Variants in HPSE2 observed in about 807,000 individuals in gnomAD.
HPSE2 encodes inactive heparanase-2.
A neutral mutation model predicts 60.5 loss-of-function variants in HPSE2; 38 were observed. That is an observed-to-expected ratio of 0.63 (90% confidence interval 0.48 to 0.82). The LOEUF is 0.82. HPSE2 is among the 40% of genes least tolerant of loss of function. The pLI is 0.00. For missense variants in HPSE2, 713 were observed against 740.4 expected, an observed-to-expected ratio of 0.96 and a Z score of 0.43; for synonymous variants, 295 against 293.2, an observed-to-expected ratio of 1.01 and a Z score of -0.06.
chr10:98,469,701 C>T (rs928917767), intron 11 of HPSE2, among the ~76,000 whole-genome samples: 2 of 152,156 alleles, frequency 1.3e-5, no homozygotes, highest in African/African-American at 2.4e-5. Context: ...ACAAAGCATC[C>T]TGTATTCCAG....
At chr10:99,079,449 A>G (rs1843058380) in intron 3 of HPSE2, among the ~76,000 whole-genome samples, 1 of 152,020 alleles carries the variant, frequency 6.6e-6, no homozygotes, top group African/African-American at 2.4e-5. Flanking sequence ...GGCAGTCCAC[A>G]AGCAAGTTGG....
intron 3 of HPSE2, among the ~76,000 whole-genome samples, chr10:99,082,127 G>A (rs111316457): frequency 1.4e-4 from 22 of 152,166 alleles, no homozygotes; most frequent in African/African-American, 3.9e-4. Flanking sequence ...TGCTGCACAC[G>A]AATTTATAAA....
intron 6 of HPSE2, among the ~76,000 whole-genome samples, chr10:98,660,722 C>T (rs553689870): frequency 6.6e-6 from 1 of 152,206 alleles, no homozygotes; most frequent in South Asian, 2.1e-4. Context: ...CCTTCTGTTT[C>T]CTTTATGAGG....
intron 3 of HPSE2, among the ~76,000 whole-genome samples, chr10:98,968,094 G>A (rs944535788): frequency 1.3e-5 from 2 of 151,822 alleles, no homozygotes; most frequent in African/African-American, 4.8e-5. Flanking sequence ...TAACCTATAA[G>A]AGAAAAAAAC....
chr10:98,624,119 A>G (rs1010136506), intron 7 of HPSE2, among the ~76,000 whole-genome samples: 2 of 152,212 alleles, frequency 1.3e-5, no homozygotes, highest in African/African-American at 2.4e-5. Context: ...ATGAAGCATA[A>G]CAAGTTTTTG....
At chr10:98,807,391 G>A (rs536723643) in intron 3 of HPSE2, among the ~76,000 whole-genome samples, 13 of 152,174 alleles carry the variant, frequency 8.5e-5, no homozygotes, top group Admixed American at 2.0e-4. Flanking sequence ...CTTTAAATCA[G>A]ACATCTAGCA....
At chr10:98,957,730 G>A (rs1955546488) in intron 3 of HPSE2, among the ~76,000 whole-genome samples, 1 of 152,122 alleles carries the variant, frequency 6.6e-6, no homozygotes, top group Non-Finnish European at 1.5e-5. Flanking sequence ...TGACTTTGGA[G>A]TGCTTGGGCT....
intron 3 of HPSE2, among the ~76,000 whole-genome samples, chr10:98,778,594 T>C (rs1950399105): frequency 6.6e-6 from 1 of 152,128 alleles, no homozygotes; most frequent in Non-Finnish European, 1.5e-5. Context: ...AAATGGAAAC[T>C]GTCAAGGGTG....
At chr10:98,920,654 A>G (rs558650343) in intron 3 of HPSE2, among the ~76,000 whole-genome samples, 6 of 152,292 alleles carry the variant, frequency 3.9e-5, no homozygotes, top group African/African-American at 1.2e-4. Flanking sequence ...CATATGTTCC[A>G]TTCTAACTTC....
chr10:99,195,152 A>C (rs1848350901), intron 2 of HPSE2, among the ~76,000 whole-genome samples: 1 of 152,164 alleles, frequency 6.6e-6, no homozygotes, highest in Non-Finnish European at 1.5e-5. Context: ...ACTGATGCTA[A>C]AAAAGCATTT....
At chr10:98,624,152 T>C (rs1350315068) in intron 7 of HPSE2, among the ~76,000 whole-genome samples, 1 of 151,902 alleles carries the variant, frequency 6.6e-6, no homozygotes, top group East Asian at 1.9e-4. Context: ...TACATTTTAG[T>C]CAAGGGAAGG....
chr10:98,620,570 C>T (rs1380247702), intron 8 of HPSE2, 32 bp downstream of exon 8: 19 of 1,501,850 alleles, frequency 1.3e-5, no homozygotes, highest in Non-Finnish European at 1.8e-5. Context: ...CTCCTGAAAG[C>T]CCCTGGGGGT....
intron 1 of HPSE2, among the ~76,000 whole-genome samples, chr10:99,233,126 T>A (rs1849721030): frequency 6.6e-6 from 1 of 152,218 alleles, no homozygotes; most frequent in African/African-American, 2.4e-5. Context: ...AAAACTGCAT[T>A]GTTTCCCAAA....
chr10:99,046,743 T>G (rs891253370), intron 3 of HPSE2, among the ~76,000 whole-genome samples: 1 of 151,440 alleles, frequency 6.6e-6, no homozygotes, highest in African/African-American at 2.4e-5. Context: ...ACAAAGAAAA[T>G]GAAATACCTA....
chr10:99,001,702 A>G (rs1430885575), intron 3 of HPSE2, among the ~76,000 whole-genome samples: 1 of 152,178 alleles, frequency 6.6e-6, no homozygotes, highest in Non-Finnish European at 1.5e-5. Context: ...ATGTTCAGTA[A>G]AGGCTTGTTG....
chr10:98,638,163 A>AC lies in HPSE2; in HGVS notation c.1098+3683_1098+3684insG, dbSNP rs1554960094. ...AAAAAAAAAAAAAAAAAAAAAAAAA[A>AC]GGCTGGGTGCAGTGGCTCACGCCTG... On this transcript the variant is annotated intron_variant, in intron 7 of 11. Coordinates refer to ENST00000370552, the MANE Select transcript of HPSE2 (RefSeq NM_021828.5). Among the ~76,000 whole-genome samples the AC allele has an allele frequency of 2.1e-4, 29 of 140,710 alleles. 1 individual carries two copies. Among genetic ancestry groups the AC allele is most frequent in the African/African-American group, 6.3e-4 (23 of 36,436 alleles). The allele number at this position is 140,710 out of a possible 152,430, so 92.3% of individuals were successfully genotyped here.
intron 3 of HPSE2, among the ~76,000 whole-genome samples, chr10:98,834,315 T>C (rs915707348): frequency 1.3e-5 from 2 of 152,126 alleles, no homozygotes; most frequent in Non-Finnish European, 2.9e-5. Context: ...AAAAACTAAT[T>C]GGTGACATCT....
At chr10:98,484,262 C>CT (rs1258729702) in intron 10 of HPSE2, among the ~76,000 whole-genome samples, 2 of 149,350 alleles carry the variant, frequency 1.3e-5, no homozygotes, top group African/African-American at 5.0e-5. Flanking sequence ...TCCTTTCTTT[C>CT]TTTTTTTCTC....
At chr10:99,068,020 C>T (rs1429881590) in intron 3 of HPSE2, among the ~76,000 whole-genome samples, 2 of 152,178 alleles carry the variant, frequency 1.3e-5, no homozygotes, top group Non-Finnish European at 2.9e-5. Context: ...CCACCAGTCT[C>T]TTTGCATAGC....
Sources: allele counts gnomAD v4.1 joint callset (sites outside exome capture counted in the v4.1 genomes callset), GRCh38; gene constraint gnomAD v4.1.1; transcripts MANE v1.5; gene names NCBI Gene and HGNC (gene_info 2026-07-23, HGNC 2026-07-21).